The following ARHGEF7 variants were observed in gnomAD, a reference collection of about 807,000 sequenced individuals.
The protein encoded by ARHGEF7 is PAK-interacting exchange factor beta.
Under a neutral mutation model 109.8 loss-of-function variants are expected in ARHGEF7, and 33 were observed. The ratio of observed to expected loss-of-function variants is 0.30; its 90% confidence interval spans 0.23 to 0.40. ARHGEF7 has a LOEUF of 0.40. Among genes scored for constraint, ARHGEF7 ranks in the 10% least tolerant of loss-of-function variants. The pLI, the probability that ARHGEF7 is intolerant of heterozygous loss-of-function variation, is 1.00. For synonymous variants in ARHGEF7, 458 were observed against 424.6 expected (o/e 1.08, Z -0.97); for missense variants, 938 against 1,098.5 (o/e 0.85, Z 2.07).
At chr13:111,211,239 G>A (rs1879787364) in intron 4 of ARHGEF7, among the ~76,000 whole-genome samples, 1 of 152,136 alleles carries the variant, frequency 6.6e-6, no homozygotes, top group African/African-American at 2.4e-5. Flanking sequence ...ACCATTGGGA[G>A]CATTAGGATT....
intron 1 of ARHGEF7, among the ~76,000 whole-genome samples, chr13:111,119,030 A>G (rs1357465120): frequency 6.6e-6 from 1 of 152,136 alleles, no homozygotes; most frequent in Middle Eastern, 3.2e-3. Flanking sequence ...GGATTAAGGT[A>G]CCTGCAGGGC....
At chr13:111,167,971 T>A (rs1314041383) in intron 2 of ARHGEF7, among the ~76,000 whole-genome samples, 1 of 152,152 alleles carries the variant, frequency 6.6e-6, no homozygotes, top group Non-Finnish European at 1.5e-5. Context: ...AACTGAACCT[T>A]CTTGCTGTGA....
At chr13:111,293,084 A>G in intron 19 of ARHGEF7, 1 of 985,446 alleles carries the variant, frequency 1.0e-6, no homozygotes. Flanking sequence ...GATTTCTGTT[A>G]TAAGGCACAT....
chr13:111,221,492 CA>C lies in ARHGEF7; in HGVS notation c.670+3613del, dbSNP rs1566875118. On this transcript the variant is annotated intron_variant, in intron 5 of 21. Transcript: ENST00000646102. ...ATCTATATATATAGATATATATAGA[CA>C]TATATATATCTATATATATAGATAT... Among the ~76,000 whole-genome samples, 396 of 41,072 alleles carry C rather than the reference CA, an allele frequency of 9.6e-3. 6 individuals carry two copies. Among genetic ancestry groups the C allele is most frequent in the Non-Finnish European group, 0.015 (312 of 21,278 alleles). 26.9% of individuals were successfully genotyped at this position (41,072 alleles called of 152,430 possible).
intron 1 of ARHGEF7, among the ~76,000 whole-genome samples, chr13:111,119,828 G>T (rs2067057153): frequency 6.6e-6 from 1 of 152,192 alleles, no homozygotes; most frequent in South Asian, 2.1e-4. Context: ...GTGCTCACCT[G>T]CTAGAAATGT....
intron 2 of ARHGEF7, among the ~76,000 whole-genome samples, chr13:111,197,636 T>G (rs1423728524): frequency 1.3e-5 from 2 of 152,122 alleles, no homozygotes; most frequent in African/African-American, 4.8e-5. Flanking sequence ...CTTATATGAA[T>G]AGGAAGGATA....
intron 8 of ARHGEF7, among the ~76,000 whole-genome samples, chr13:111,262,361 C>T (rs556374132): frequency 6.6e-6 from 1 of 152,216 alleles, no homozygotes; most frequent in African/African-American, 2.4e-5. Context: ...CAAGAGAGAC[C>T]TGCCAGAGGT....
chr13:111,299,532 C>CG (rs1204502333), intron 19 of ARHGEF7, among the ~76,000 whole-genome samples: 30 of 151,870 alleles, frequency 2.0e-4, no homozygotes, highest in African/African-American at 7.2e-4. Context: ...TTAGTAGAGA[C>CG]GGGGTTTCAC....
intron 8 of ARHGEF7, among the ~76,000 whole-genome samples, chr13:111,260,502 AG>A (rs372364988): frequency 2.0e-5 from 3 of 152,382 alleles, no homozygotes; most frequent in African/African-American, 7.2e-5. Context: ...ATCCTAGGAT[AG>A]TATATCTAGC....
intron 1 of ARHGEF7, among the ~76,000 whole-genome samples, chr13:111,152,018 A>G (rs908485495): frequency 6.6e-6 from 1 of 152,306 alleles, no homozygotes; most frequent in East Asian, 1.9e-4. Context: ...GGTTACACAT[A>G]ATTTTTAGCC....
chr13:111,277,726 A>T, intron 13 of ARHGEF7, 53 bp downstream of exon 13: 1 of 1,291,256 alleles, frequency 7.7e-7, no homozygotes, highest in Non-Finnish European at 1.1e-6. Context: ...ATAATTTCAA[A>T]CTGGCTTTGA....
chr13:111,230,072 A>G (rs1360596354), intron 5 of ARHGEF7, among the ~76,000 whole-genome samples: 6 of 152,034 alleles, frequency 3.9e-5, no homozygotes, highest in African/African-American at 9.7e-5. Flanking sequence ...CCCCTCCCCT[A>G]GTGAGAGGGT....
At chr13:111,118,533 G>C (rs1356377497) in intron 1 of ARHGEF7, among the ~76,000 whole-genome samples, 1 of 152,170 alleles carries the variant, frequency 6.6e-6, no homozygotes, top group Non-Finnish European at 1.5e-5. Context: ...TTTTCTCCAG[G>C]AGGGGTCAGG....
rs556689283 is a variant in ARHGEF7, at chr13:111,273,773, A to G, written c.1074-41A>G. 4.3e-6 allele frequency: 7 copies of G among 1,610,194 alleles called. No homozygotes were observed. The African/African-American group carries it at 5.3e-5, about 12-fold the overall frequency. ...GATGAGAGAGCCACCATTGTCTCTC[A>G]TTGCTAACCACGAGTGTCTCTCTTG... On this transcript the variant is annotated intron_variant, in intron 9 of 21. Coordinates refer to ENST00000646102, the MANE Select transcript of ARHGEF7 (RefSeq NM_001354046.2). The surrounding 1 kb of genome is among the most constrained non-coding windows in gnomAD (Gnocchi z 4.5).
At chr13:111,265,794 T>C (rs1208657355) in intron 8 of ARHGEF7, 1 of 451,036 alleles carries the variant, frequency 2.2e-6, no homozygotes, top group Non-Finnish European at 4.5e-6. Flanking sequence ...GAGGGAGCTG[T>C]TTTGCCCCTT....
chr13:111,159,894 G>A (rs181484003), intron 2 of ARHGEF7, among the ~76,000 whole-genome samples: 10 of 152,034 alleles, frequency 6.6e-5, no homozygotes, highest in South Asian at 2.1e-4. Flanking sequence ...CTCTGTTTTC[G>A]GTGCTTTTGG....
At chr13:111,118,945 A>T (rs2153311383) in intron 1 of ARHGEF7, among the ~76,000 whole-genome samples, 1 of 152,172 alleles carries the variant, frequency 6.6e-6, no homozygotes, top group South Asian at 2.1e-4. Context: ...ATGTAATTGA[A>T]AATCAGACGC....
At chr13:111,248,962 C>CT in intron 8 of ARHGEF7, among the ~76,000 whole-genome samples, 1 of 152,162 alleles carries the variant, frequency 6.6e-6, no homozygotes, top group East Asian at 1.9e-4. Flanking sequence ...AGGCAGTTAA[C>CT]TTGGTCAGGC....
intron 2 of ARHGEF7, among the ~76,000 whole-genome samples, chr13:111,159,252 A>G (rs1312856209): frequency 6.6e-6 from 1 of 152,220 alleles, no homozygotes; most frequent in Non-Finnish European, 1.5e-5. Context: ...TCTATTGTGT[A>G]TATATCCCAC....
Sources: gnomAD v4.1 joint callset for allele counts (sites outside exome capture counted in the v4.1 genomes callset) on GRCh38, gnomAD v4.1.1 for gene constraint, Gnocchi (gnomAD v3.1) non-coding constraint, MANE v1.5 for transcripts, NCBI Gene and HGNC (gene_info 2026-07-23, HGNC 2026-07-21) for gene names.